The following ARRDC3 variants were observed in gnomAD, a reference collection of about 807,000 sequenced individuals.
ARRDC3 encodes the protein arrestin domain-containing protein 3.
ARRDC3 carries 10 observed loss-of-function variants against 47.2 expected under a neutral mutation model. The ratio of observed to expected loss-of-function variants is 0.21; its 90% CI spans 0.13 to 0.36. ARRDC3 has a LOEUF of 0.36. Among genes scored for constraint, ARRDC3 ranks in the 10% least tolerant of loss-of-function variants. The pLI, the probability that ARRDC3 is intolerant of heterozygous loss-of-function variation, is 1.00. For synonymous variants in ARRDC3, 156 were observed against 178.3 expected (o/e 0.87, Z 1.00); for missense variants, 381 against 503.6 (o/e 0.76, Z 2.33).
At chr5:91,378,599 T>C in intron 2 of ARRDC3, 95 bp downstream of exon 2, 1 of 739,742 alleles carries the variant, frequency 1.4e-6, no homozygotes, top group Non-Finnish European at 2.1e-6. Flanking sequence ...GGGTTTTTTT[T>C]TCAACTAAAA....
intron 7 of ARRDC3, 84 bp from the exon 8 acceptor site, chr5:91,371,540 C>T: frequency 1.0e-6 from 1 of 999,552 alleles, no homozygotes; most frequent in South Asian, 1.5e-5. Context: ...ATTCTGAATA[C>T]TAGTCAAGAA....
rs1204526706 is a variant in ARRDC3 at position 91,369,353 on chromosome 5, G to C, written c.*2047C>G. ...AATATTCCATTAGCTTTTTTTGAGG[G>C]GGACATTCACAAAATGATTCAACAA... On this transcript the variant is annotated 3_prime_UTR_variant, in exon 8 of 8. Coordinates refer to ENST00000265138, the MANE Select transcript of ARRDC3 (RefSeq NM_020801.4). 6.6e-6 allele frequency: 1 copy of C among 151,668 alleles called. No individual in the cohort carries two copies. The highest frequency in any genetic ancestry group is 1.5e-5 in the Non-Finnish European group (1 of 67,902). 9.4% of individuals were successfully genotyped at this position (151,668 alleles called of 1,614,324 possible). A position where few individuals can be genotyped will look rare whatever the true frequency, so the allele number is the denominator to read the frequency against.
intron 7 of ARRDC3, among the ~76,000 whole-genome samples, chr5:91,372,303 G>C (rs527588189): frequency 8.5e-4 from 129 of 152,260 alleles, no homozygotes; most frequent in Admixed American, 9.8e-4. Flanking sequence ...AAGGAAAAAA[G>C]CCAAATAACT....
intron 1 of ARRDC3, chr5:91,380,331 G>C (rs1485275567): frequency 1.3e-5 from 2 of 152,958 alleles, no homozygotes; most frequent in African/African-American, 4.8e-5. Context: ...CGGGGCGAGC[G>C]AGCCGCGGCG....
At chr5:91,373,656 A>T (rs1191690300) in intron 7 of ARRDC3, 28 bp downstream of exon 7, 6 of 1,575,476 alleles carry the variant, frequency 3.8e-6, no homozygotes, top group Non-Finnish European at 4.3e-6. Context: ...TAGCCAGTTC[A>T]TTTCATACTT....
Position 91,368,654 on chromosome 5 carries a change from T to C in ARRDC3, c.*2746A>G, listed in dbSNP as rs1447184055. On this transcript the variant is annotated 3_prime_UTR_variant, in exon 8 of 8. Transcript: ENST00000265138. ...AATGGCTTAAAATAGAGTTTAATAGTTTAATTTAATGTGTTTGCATGTATG... is the reference window on the plus strand; with the variant it reads ...AATGGCTTAAAATAGAGTTTAATAGCTTAATTTAATGTGTTTGCATGTATG... 6.6e-6 allele frequency: 1 copy of C among 152,260 alleles called. No homozygotes were observed. Among genetic ancestry groups the C allele is most frequent in the Non-Finnish European group, 1.5e-5 (1 of 68,038 alleles). 9.4% of individuals were successfully genotyped at this position (152,260 alleles called of 1,614,324 possible).
rs945618230 is a variant in ARRDC3 at position 91,383,169 on chromosome 5, A to G, written c.-77T>C. On this transcript the variant is annotated 5_prime_UTR_variant, in exon 1 of 8. Coordinates refer to ENST00000265138, the MANE Select transcript of ARRDC3 (RefSeq NM_020801.4). Reference sequence around the variant, plus strand: ...GCATATAAAATGTGATCTTCACTTAACACTGATCGATATTTTTGCCGTGCA... The same window carrying G: ...GCATATAAAATGTGATCTTCACTTAGCACTGATCGATATTTTTGCCGTGCA... 1.2e-5 allele frequency: 16 copies of G among 1,313,446 alleles called. No individual in the cohort carries two copies. The highest frequency in any genetic ancestry group is 4.5e-5 in the African/African-American group (3 of 66,948). 81.4% of individuals were successfully genotyped at this position (1,313,446 alleles called of 1,614,324 possible).
chr5:91,373,319 A>G (rs1243733706), intron 7 of ARRDC3, among the ~76,000 whole-genome samples: 1 of 152,226 alleles, frequency 6.6e-6, no homozygotes, highest in Non-Finnish European at 1.5e-5. Context: ...AGCATCATGA[A>G]TAAGATAAAT....
chr5:91,378,934 C>T (rs1182869449), intron 1 of ARRDC3, among the ~76,000 whole-genome samples, 159 bp from the exon 2 acceptor site: 1 of 152,072 alleles, frequency 6.6e-6, no homozygotes, highest in South Asian at 2.1e-4. Context: ...TCATCATTTC[C>T]TCTGGACAAA....
At position 91,376,683 on chromosome 5, in the gene ARRDC3, C is replaced by G. The variant is rs369854489; in HGVS notation, c.448G>C (p.Val150Leu). Residue 150 changes from valine to leucine, a missense_variant, in exon 3 of 8, where the codon GTA becomes CTA. Transcript: ENST00000265138. ...AELHRPWLLP[V>L]KLKKEFTVFE... ...ACTGTAAATTCCTTCTTTAATTTTA[C>G]TGGTAGTAGCCAAGGCCTGTGCAAT... 5.0e-6 allele frequency: 8 copies of G among 1,613,678 alleles called. No individual in the cohort carries two copies. The highest frequency in any genetic ancestry group is 1.7e-4 in the Middle Eastern group (1 of 6,056).
intron 2 of ARRDC3, among the ~76,000 whole-genome samples, chr5:91,377,395 CTA>C (rs1799329444): frequency 6.6e-6 from 1 of 151,952 alleles, no homozygotes. Flanking sequence ...TCCTCTTGAT[CTA>C]TGTCAAGAGA....
Position 91,378,740 on chromosome 5 carries a change from G to C in ARRDC3, c.316C>G (p.His106Asp), listed in dbSNP as rs1799365834. The C allele has an allele frequency of 6.3e-7, 1 of 1,599,804 alleles. No homozygotes were observed. The highest frequency in any genetic ancestry group is 2.3e-5 in the East Asian group (1 of 44,440). ...DNSEEGFHTI[H>D]SGRHEYAFSF... is the part of the protein sequence containing the mutation. Reference sequence around the variant, plus strand: ...AATGCATATTCATGCCTTCCTGAATGAATAGTGTGGAAGCCTTCTTCGGAA... The same window carrying C: ...AATGCATATTCATGCCTTCCTGAATCAATAGTGTGGAAGCCTTCTTCGGAA... Residue 106 changes from histidine to aspartate, a missense_variant, in exon 2 of 8, where the codon CAT becomes GAT. His to Asp is a moderately conservative substitution (Grantham distance 81). Coordinates refer to ENST00000265138, the MANE Select transcript of ARRDC3 (RefSeq NM_020801.4).
chr5:91,375,276 C>T, intron 4 of ARRDC3, 98 bp from the exon 5 acceptor site: 1 of 1,307,784 alleles, frequency 7.6e-7, no homozygotes, highest in Non-Finnish European at 1.0e-6. Context: ...AACTAACATA[C>T]ATGAAAAGAT....
chr5:91,378,799 C>G (rs1799367693), intron 1 of ARRDC3, 24 bp from the exon 2 acceptor site: 1 of 1,488,538 alleles, frequency 6.7e-7, no homozygotes, highest in African/African-American at 1.4e-5. Context: ...AAAAAGAAAA[C>G]AAAGAATTTA....
At position 91,371,008 on chromosome 5, in the gene ARRDC3, GA is replaced by G. The variant is rs767515801; in HGVS notation, c.*391del. 0.026 allele frequency: 1,989 copies of G among 77,700 alleles called. 13 individuals carry two copies. The highest frequency in any genetic ancestry group is 0.041 in the Non-Finnish European group (1,505 of 36,302). 4.8% of individuals were successfully genotyped at this position (77,700 alleles called of 1,614,324 possible). On this transcript the variant is annotated 3_prime_UTR_variant, in exon 8 of 8. Transcript: ENST00000265138. The stretch of plus-strand genomic sequence containing the variant: ...GAGTATCAAGAGTCTGGCAAAAATA[GA>G]AAAAAAAAAAAAAAAAAAAAGAAGC...
chr5:91,374,621 T>G (rs753617963), intron 5 of ARRDC3, among the ~76,000 whole-genome samples: 2 of 151,908 alleles, frequency 1.3e-5, no homozygotes. Context: ...CTGTGGCTCA[T>G]GCCTATAATT....
intron 1 of ARRDC3, 69 bp from the exon 2 acceptor site, chr5:91,378,844 A>C: frequency 2.1e-6 from 2 of 938,108 alleles, no homozygotes; most frequent in Non-Finnish European, 3.2e-6. Flanking sequence ...AGGGTGGCAT[A>C]ACTTTAAAGA....
At chr5:91,375,389 G>A (rs1799277684) in intron 4 of ARRDC3, 122 bp downstream of exon 4, 1 of 861,186 alleles carries the variant, frequency 1.2e-6, no homozygotes, top group East Asian at 2.7e-5. Flanking sequence ...AAATGGATAA[G>A]CACAATTTGT....
At chr5:91,382,169 C>T (rs1799470740) in intron 1 of ARRDC3, among the ~76,000 whole-genome samples, 1 of 152,160 alleles carries the variant, frequency 6.6e-6, no homozygotes, top group Admixed American at 6.5e-5. Context: ...CTAAACCTGA[C>T]TCGATACCTA....
Sources: allele counts gnomAD v4.1 joint callset (sites outside exome capture counted in the v4.1 genomes callset), GRCh38; gene constraint gnomAD v4.1.1; transcripts MANE v1.5; gene names NCBI Gene and HGNC (gene_info 2026-07-23, HGNC 2026-07-21).